ROBO2: variants seen among roughly 807,000 people sequenced by gnomAD.
The protein encoded by ROBO2 is roundabout homolog 2.
Under a neutral mutation model 160.8 loss-of-function variants are expected in ROBO2, and 53 were observed. The observed-to-expected ratio is 0.33, with a 90% CI of 0.26 to 0.41. The LOEUF is 0.41. Among genes scored for constraint, ROBO2 ranks in the 10% least tolerant of loss-of-function variants. ROBO2 has a pLI of 1.00. For synonymous variants in ROBO2, 664 were observed against 611.7 expected, an observed-to-expected ratio of 1.09 and a Z score of -1.26; for missense variants, 1,577 against 1,722.4, an observed-to-expected ratio of 0.92 and a Z score of 1.49.
rs1468971971 is a variant in ROBO2 at position 76,353,739 on chromosome 3, T to C, written c.109+416137T>C. ...TTTGAGAACATCACATTGTGTTTAT[T>C]GGATGGGTTCAGGAGGAGTTCTTTT... On this transcript the variant is annotated intron_variant, in intron 2 of 26. Transcript: ENST00000487694. Among the ~76,000 whole-genome samples, 4 of 152,016 alleles carry C rather than the reference T, an allele frequency of 2.6e-5. No homozygotes were observed. In the East Asian group the frequency reaches 7.7e-4, roughly 29 times the overall value.
intron 2 of ROBO2, among the ~76,000 whole-genome samples, chr3:77,226,390 T>A (rs1009943969): frequency 5.9e-5 from 9 of 151,978 alleles, no homozygotes; most frequent in African/African-American, 2.2e-4. Context: ...CTCCATTTCT[T>A]CACCACCTCC....
intron 2 of ROBO2, among the ~76,000 whole-genome samples, chr3:76,080,330 A>G (rs770538902): frequency 1.4e-4 from 22 of 152,354 alleles, no homozygotes; most frequent in Non-Finnish European, 2.8e-4. Context: ...CCATGAAGAC[A>G]TTTATAATTC....
At chr3:76,275,362 C>T (rs1190560651) in intron 2 of ROBO2, among the ~76,000 whole-genome samples, 1 of 152,044 alleles carries the variant, frequency 6.6e-6, no homozygotes, top group Non-Finnish European at 1.5e-5. Flanking sequence ...TGTTTCCTCA[C>T]CTGCCCCAAA....
chr3:77,560,087 A>G (rs2093271409), intron 9 of ROBO2, among the ~76,000 whole-genome samples: 1 of 152,098 alleles, frequency 6.6e-6, no homozygotes, highest in Admixed American at 6.6e-5. Flanking sequence ...ATTAAAGGGT[A>G]TGCTTGAGTA....
chr3:76,272,999 T>A (rs1210610470), intron 2 of ROBO2, among the ~76,000 whole-genome samples: 1 of 92,166 alleles, frequency 1.1e-5, no homozygotes, highest in Non-Finnish European at 2.0e-5. Context: ...ATATATAATT[T>A]ATATATAAAA....
intron 2 of ROBO2, among the ~76,000 whole-genome samples, chr3:76,603,342 AAAAAAAAAAAT>A (rs1259609546): frequency 1.6e-4 from 11 of 69,326 alleles, no homozygotes; most frequent in East Asian, 1.1e-3. Flanking sequence ...CAAAAAAAAA[AAAAAAAAAAAT>A]ATATATATAT....
chr3:76,579,255 C>G (rs2085499763), intron 2 of ROBO2, among the ~76,000 whole-genome samples: 1 of 152,280 alleles, frequency 6.6e-6, no homozygotes, highest in Non-Finnish European at 1.5e-5. Context: ...AAGATAGCAT[C>G]TTTACCACAG....
rs2076560189 is a variant in ROBO2, at chr3:76,434,116, C to G, written c.109+496514C>G. The G allele has an allele frequency of 8.9e-6, 11 of 1,239,850 alleles. No homozygotes were observed. The East Asian group carries it at 2.6e-4, about 29-fold the overall frequency. The allele number at this position is 1,239,850 out of a possible 1,614,324, so 76.8% of individuals were successfully genotyped here. A position where few individuals can be genotyped will look rare whatever the true frequency, so the allele number is the denominator to read the frequency against. ...CTGACATGCACCGTGGGTATGGAGA[C>G]AGCTCCATATGTGCAAGCATTTGAC... On this transcript the variant is annotated intron_variant, in intron 2 of 26. Transcript: ENST00000487694.
intron 2 of ROBO2, among the ~76,000 whole-genome samples, chr3:76,752,174 G>GCA (rs2060700466): frequency 4.1e-5 from 6 of 148,050 alleles, no homozygotes; most frequent in Admixed American, 2.7e-4. Flanking sequence ...CCATCATTCT[G>GCA]AACTATCGCA....
intron 2 of ROBO2, among the ~76,000 whole-genome samples, chr3:76,167,751 A>C (rs72630363): frequency 0.047 from 7,093 of 152,240 alleles, 379 homozygotes; most frequent in East Asian, 0.23. Flanking sequence ...CTTTCTTTAC[A>C]TATTTTATTT....
At position 77,563,337 on chromosome 3, in the gene ROBO2, A is replaced by G. The variant is rs2093386227; in HGVS notation, c.1682+8A>G. 1 of 1,613,150 alleles carries G rather than the reference A, an allele frequency of 6.2e-7. No individual in the cohort carries two copies. The highest frequency in any genetic ancestry group is 2.2e-5 in the East Asian group (1 of 44,838). On this transcript the variant is annotated splice_region_variant and intron_variant, in intron 11 of 25. Coordinates refer to ENST00000461745, the Ensembl canonical transcript of ROBO2. ...TATCATTGAGGCTTTCAGGTATGGG[A>G]CAATTCCTTCTTTCTCCACTGGGTT...
At chr3:76,488,738 C>G (rs1484013959) in intron 2 of ROBO2, among the ~76,000 whole-genome samples, 4 of 151,902 alleles carry the variant, frequency 2.6e-5, no homozygotes, top group Non-Finnish European at 5.9e-5. Context: ...TTTGAGAATT[C>G]AGGGGGTCTA....
Position 77,248,778 on chromosome 3 carries a change from T to G in ROBO2, c.388+150438T>G, listed in dbSNP as rs2090028451. ...ATAGCTGCTTCAACATCACTTGCTC[T>G]TTTTTTTTTTTTTTTTTGAAGGAAG... On this transcript the variant is annotated intron_variant, in intron 2 of 25. Transcript: ENST00000461745. Among the ~76,000 whole-genome samples, 14 of 3,394 alleles carry G rather than the reference T, an allele frequency of 4.1e-3. No individual in the cohort carries two copies. The Admixed American group carries it at 0.06, about 15-fold the overall frequency. The allele number at this position is 3,394 out of a possible 152,430, so 2.2% of individuals were successfully genotyped here.
At chr3:76,928,967 AC>A (rs373178139) in intron 2 of ROBO2, among the ~76,000 whole-genome samples, 6 of 152,056 alleles carry the variant, frequency 3.9e-5, no homozygotes, top group African/African-American at 1.4e-4. Context: ...AATAGAAAAC[AC>A]CCCAACCTGG....
intron 1 of ROBO2, among the ~76,000 whole-genome samples, chr3:77,076,398 G>A (rs1306483299): frequency 9.9e-5 from 15 of 151,848 alleles, no homozygotes; most frequent in African/African-American, 3.1e-4. Context: ...TAGCATACGT[G>A]GTACTAAAGC....
At chr3:76,892,849 A>G (rs2074454919) in intron 2 of ROBO2, among the ~76,000 whole-genome samples, 1 of 152,294 alleles carries the variant, frequency 6.6e-6, no homozygotes, top group Admixed American at 6.5e-5. Context: ...CCTCAAACCT[A>G]TAAGACGTCC....
At chr3:76,922,152 A>G (rs2076704678) in intron 2 of ROBO2, among the ~76,000 whole-genome samples, 2 of 152,144 alleles carry the variant, frequency 1.3e-5, no homozygotes, top group Admixed American at 6.5e-5. Context: ...TGCACTAAAA[A>G]TACAAAAAGT....
intron 2 of ROBO2, among the ~76,000 whole-genome samples, chr3:77,426,341 C>T (rs897605995): frequency 1.3e-5 from 2 of 152,054 alleles, no homozygotes; most frequent in African/African-American, 4.8e-5. Flanking sequence ...ATGGGGCCCA[C>T]TGTGGCGGGC....
At chr3:77,237,491 G>A (rs1452477539) in intron 2 of ROBO2, among the ~76,000 whole-genome samples, 3 of 146,508 alleles carry the variant, frequency 2.0e-5, no homozygotes, top group South Asian at 4.5e-4. Context: ...TCTTGAACTC[G>A]TGATCTCCAA....
Sources: allele counts gnomAD v4.1 joint callset (sites outside exome capture counted in the v4.1 genomes callset), GRCh38; gene constraint gnomAD v4.1.1; transcripts MANE v1.5; gene names NCBI Gene and HGNC (gene_info 2026-07-23, HGNC 2026-07-21).